Variants in SCARB1 observed in about 807,000 individuals in gnomAD.
The protein encoded by SCARB1 is CD36 and LIMPII analogous 1.
In SCARB1, 30 loss-of-function variants were observed where a neutral mutation model predicts 57.2. The observed-to-expected ratio is 0.52, with a 90% CI of 0.39 to 0.71. The LOEUF (loss-of-function observed/expected upper bound fraction) is 0.71, where lower values mean the gene tolerates loss of function less well. Among genes scored for constraint, SCARB1 ranks in the 30% least tolerant of loss-of-function variants. The pLI, the probability that SCARB1 is intolerant of heterozygous loss-of-function variation, is 0.00. For missense variants in SCARB1, 543 were observed against 671.2 expected (o/e 0.81, Z 2.11); for synonymous variants, 249 against 268.3 (o/e 0.93, Z 0.70).
chr12:124,778,029 G>A lies in SCARB1; in HGVS notation c.*558C>T, dbSNP rs376787846. 131 of 159,666 alleles carry A rather than the reference G, an allele frequency of 8.2e-4. No individual in the cohort carries two copies. Among genetic ancestry groups the A allele is most frequent in the African/African-American group, 2.9e-3 (122 of 41,888 alleles). The allele number at this position is 159,666 out of a possible 1,614,324, so 9.9% of individuals were successfully genotyped here. On this transcript the variant is annotated 3_prime_UTR_variant, in exon 13 of 13. Coordinates refer to ENST00000261693, the MANE Select transcript of SCARB1 (RefSeq NM_005505.5). ...TCTTGTGCTCACTCCATTGTTTTCC[G>A]AGGCCTGTGTAAAGGCGCTTTGCCT...
Position 124,814,053 on chromosome 12 carries a change from G to A in SCARB1, c.630+149C>T, listed in dbSNP as rs541745528. 24 of 777,780 alleles carry A rather than the reference G, an allele frequency of 3.1e-5. No homozygotes were observed. Among genetic ancestry groups the A allele is most frequent in the African/African-American group, 2.2e-4 (13 of 58,986 alleles). 48.2% of individuals were successfully genotyped at this position (777,780 alleles called of 1,614,324 possible). A position where few individuals can be genotyped will look rare whatever the true frequency, so the allele number is the denominator to read the frequency against. Reference sequence around the variant, plus strand: ...CAACATTCCCCATTTCACTCAAGCCGGTTTGAGTCAGGTTCTCAGTCACTT... The same window carrying A: ...CAACATTCCCCATTTCACTCAAGCCAGTTTGAGTCAGGTTCTCAGTCACTT... On this transcript the variant is annotated intron_variant, in intron 4 of 12. Coordinates refer to ENST00000261693, the MANE Select transcript of SCARB1 (RefSeq NM_005505.5). This position sits in a 1 kb window ranked among gnomAD's most constrained non-coding sequence, Gnocchi z 4.7.
chr12:124,830,804 T>C (rs1004581305), intron 1 of SCARB1, among the ~76,000 whole-genome samples: 2 of 152,146 alleles, frequency 1.3e-5, no homozygotes, highest in Non-Finnish European at 2.9e-5. Flanking sequence ...AGAAAAAAAT[T>C]AAAGCAAAAA....
chr12:124,815,067 A>T lies in SCARB1; in HGVS notation c.332T>A (p.Val111Glu). ...GAAGGTGCGGTACTCGAGGAAGGACACGGTGTCGTTGTTGTTGAAGGTGAT... is the reference window on the plus strand; with the variant it reads ...GAAGGTGCGGTACTCGAGGAAGGACTCGGTGTCGTTGTTGTTGAAGGTGAT... ...SNITFNNNDT[V>E]SFLEYRTFQF... Residue 111 changes from valine to glutamate, a missense_variant, in exon 3 of 13, where the codon GTG becomes GAG. Val to Glu is a moderately radical substitution (Grantham distance 121, BLOSUM62 -2). Coordinates refer to ENST00000261693, the MANE Select transcript of SCARB1 (RefSeq NM_005505.5). The T allele has an allele frequency of 6.2e-7, 1 of 1,614,168 alleles. No homozygotes were observed. The highest frequency in any genetic ancestry group is 1.1e-5 in the South Asian group (1 of 91,082).
chr12:124,847,462 A>G (rs572486104), intron 1 of SCARB1, among the ~76,000 whole-genome samples: 3 of 152,326 alleles, frequency 2.0e-5, no homozygotes, highest in African/African-American at 7.2e-5. Context: ...AGGCCCAGTT[A>G]GGGAGAGGCA....
intron 12 of SCARB1, 120 bp from the exon 13 acceptor site, chr12:124,778,706 G>T: frequency 2.9e-6 from 3 of 1,033,712 alleles, no homozygotes; most frequent in Middle Eastern, 3.4e-4. Flanking sequence ...CCGCCACCAG[G>T]CTGTCAGAAG....
intron 1 of SCARB1, among the ~76,000 whole-genome samples, chr12:124,851,608 ATTTT>A (rs5801574): frequency 7.8e-6 from 1 of 128,098 alleles, no homozygotes; most frequent in East Asian, 2.2e-4. Context: ...AAAGGATTCC[ATTTT>A]TTTTTTTTTT....
chr12:124,778,215 T>C lies in SCARB1; in HGVS notation c.*372A>G. ...GTTTCACCTTGGAGGGGAGGAAGCC[T>C]GGGCCCAACGGCTGAACGGGACAGG... On this transcript the variant is annotated 3_prime_UTR_variant, in exon 13 of 13. Transcript: ENST00000261693. The C allele has an allele frequency of 2.7e-6, 1 of 375,164 alleles. No individual in the cohort carries two copies. The highest frequency in any genetic ancestry group is 2.1e-5 in the African/African-American group (1 of 48,186). The allele number at this position is 375,164 out of a possible 1,614,324, so 23.2% of individuals were successfully genotyped here.
At chr12:124,811,519 C>A (rs1460896810) in intron 5 of SCARB1, among the ~76,000 whole-genome samples, 1 of 152,184 alleles carries the variant, frequency 6.6e-6, no homozygotes, top group African/African-American at 2.4e-5. Context: ...GTGATCCCCC[C>A]CACCTCGGCC....
In SCARB1 at chr12:124,800,727, T is replaced by A. The variant is rs1160184145; in HGVS notation, c.1010-485A>T. Among the ~76,000 whole-genome samples the A allele has an allele frequency of 1.3e-5, 2 of 152,136 alleles. No homozygotes were observed. The highest frequency in any genetic ancestry group is 2.9e-5 in the Non-Finnish European group (2 of 68,014). On this transcript the variant is annotated intron_variant, in intron 7 of 12. Transcript: ENST00000261693. The surrounding 1 kb of genome is among the most constrained non-coding windows in gnomAD (Gnocchi z 4.8). Reference sequence around the variant, plus strand: ...CACGCAGCAATGATCGGAGCTCAGGTGTGTGCACCTGTGGCCAGATCTCCC... The same window carrying A: ...CACGCAGCAATGATCGGAGCTCAGGAGTGTGCACCTGTGGCCAGATCTCCC...
At chr12:124,851,982 C>T (rs1296976269) in intron 1 of SCARB1, among the ~76,000 whole-genome samples, 2 of 152,108 alleles carry the variant, frequency 1.3e-5, no homozygotes, top group Non-Finnish European at 2.9e-5. Flanking sequence ...GGCTTAAATG[C>T]TCAGGGAGAG....
intron 7 of SCARB1, among the ~76,000 whole-genome samples, chr12:124,804,179 G>C (rs1321252978): frequency 2.6e-5 from 4 of 152,166 alleles, no homozygotes; most frequent in African/African-American, 9.7e-5. Flanking sequence ...TACTGTGATT[G>C]GTTTACAGCT....
chr12:124,837,814 G>A (rs1224617977), intron 1 of SCARB1, among the ~76,000 whole-genome samples: 1 of 152,074 alleles, frequency 6.6e-6, no homozygotes, highest in African/African-American at 2.4e-5. Context: ...TAAGGTGGGA[G>A]GATAACGAGC....
chr12:124,844,418 T>C (rs748238995), intron 1 of SCARB1, among the ~76,000 whole-genome samples: 1 of 152,152 alleles, frequency 6.6e-6, no homozygotes, highest in Non-Finnish European at 1.5e-5. Context: ...GAAGGCATGG[T>C]TTTAGCCCAT....
In SCARB1 at chr12:124,817,106, A is replaced by G. The variant is rs1052427845; in HGVS notation, c.284+444T>C. ...TGTATGTATGTGTGTGTGTATGTGT[A>G]TGTACGTGTGTATGTATGTATGTGT... On this transcript the variant is annotated intron_variant, in intron 2 of 12. Coordinates refer to ENST00000261693, the MANE Select transcript of SCARB1 (RefSeq NM_005505.5). The surrounding 1 kb of genome is among the most constrained non-coding windows in gnomAD (Gnocchi z 4.8). Among the ~76,000 whole-genome samples the G allele has an allele frequency of 6.8e-6, 1 of 146,560 alleles. No individual in the cohort carries two copies. Among genetic ancestry groups the G allele is most frequent in the Non-Finnish European group, 1.5e-5 (1 of 66,156 alleles).
intron 1 of SCARB1, chr12:124,839,359 T>C: frequency 2.3e-6 from 1 of 440,492 alleles, no homozygotes; most frequent in South Asian, 1.6e-5. Context: ...TCAAGGCCCG[T>C]GCATGTCGCA....
At chr12:124,813,482 T>C (rs1169438826) in intron 4 of SCARB1, among the ~76,000 whole-genome samples, 3 of 152,206 alleles carry the variant, frequency 2.0e-5, no homozygotes, top group Admixed American at 6.5e-5. Context: ...CGCTAGACTT[T>C]TCTTGTGAGG....
At chr12:124,787,982 G>A in intron 9 of SCARB1, among the ~76,000 whole-genome samples, 1 of 152,088 alleles carries the variant, frequency 6.6e-6, no homozygotes, top group Non-Finnish European at 1.5e-5. Context: ...TGTTAATTGT[G>A]GCTATGCCTA....
intron 9 of SCARB1, among the ~76,000 whole-genome samples, chr12:124,793,926 A>AT: frequency 6.6e-6 from 1 of 152,344 alleles, no homozygotes; most frequent in Non-Finnish European, 1.5e-5. Context: ...CCATCAACCG[A>AT]TAAATAAATG....
At chr12:124,846,780 A>G (rs948374299) in intron 1 of SCARB1, among the ~76,000 whole-genome samples, 1 of 147,666 alleles carries the variant, frequency 6.8e-6, no homozygotes, top group Non-Finnish European at 1.5e-5. Flanking sequence ...TGTGATACTC[A>G]GCTTCTTCCG....
Sources: gnomAD v4.1 joint callset for allele counts (sites outside exome capture counted in the v4.1 genomes callset) on GRCh38, gnomAD v4.1.1 for gene constraint, Gnocchi (gnomAD v3.1) non-coding constraint, MANE v1.5 for transcripts, NCBI Gene and HGNC (gene_info 2026-07-23, HGNC 2026-07-21) for gene names.